The following NECTIN2 variants were observed in gnomAD, a reference collection of about 807,000 sequenced individuals.
NECTIN2 encodes nectin-2.
NECTIN2 carries 23 observed loss-of-function variants against 56.9 expected under a neutral mutation model. The ratio of observed to expected loss-of-function variants is 0.40; its 90% CI spans 0.29 to 0.57. The LOEUF (loss-of-function observed/expected upper bound fraction) is 0.57. Among genes scored for constraint, NECTIN2 ranks in the 20% least tolerant of loss-of-function variants. The probability of loss-of-function intolerance (pLI) is 0.38; values close to 1 mark genes in which losing one functional copy is unlikely to be tolerated. For missense variants in NECTIN2, 587 were observed against 718.3 expected, an observed-to-expected ratio of 0.82 and a Z score of 2.09; for synonymous variants, 302 against 313.8, an observed-to-expected ratio of 0.96 and a Z score of 0.40.
chr19:44,864,156 G>A (rs902373017), intron 1 of NECTIN2, among the ~76,000 whole-genome samples: 1 of 145,080 alleles, frequency 6.9e-6, no homozygotes, highest in Non-Finnish European at 1.5e-5. Context: ...GCAACATAGC[G>A]AGACATTGTC....
intron 6 of NECTIN2, among the ~76,000 whole-genome samples, chr19:44,883,223 G>C (rs1007183866): frequency 1.3e-5 from 2 of 151,860 alleles, no homozygotes; most frequent in Non-Finnish European, 2.9e-5. Context: ...ACACTGGTCA[G>C]GCAGGGTGGG....
chr19:44,865,354 C>T lies in NECTIN2; in HGVS notation c.172C>T (p.Pro58Ser). ...CGTGGAGCTGCCGTGCCACCTGCTGCCACCTGTTCCTGGACTGTACATCTC... is the reference window on the plus strand; with the variant it reads ...CGTGGAGCTGCCGTGCCACCTGCTGTCACCTGTTCCTGGACTGTACATCTC... Reference protein sequence around the residue: ...GTVELPCHLLPPVPGLYISLV... With the variant: ...GTVELPCHLLSPVPGLYISLV... The change falls in exon 2 of 9, where the codon CCA becomes TCA. Residue 58 changes from proline (P) to serine (S), a missense_variant. Physicochemically the swap from Pro to Ser is moderately conservative, Grantham distance 74. Transcript: ENST00000252483. This position sits in a 1 kb window ranked among gnomAD's most constrained non-coding sequence, Gnocchi z 5.2. The T allele has an allele frequency of 1.2e-6, 2 of 1,614,168 alleles. No homozygotes were observed. The highest frequency in any genetic ancestry group is 1.7e-6 in the Non-Finnish European group (2 of 1,180,026).
chr19:44,872,787 G>T (rs936652441), intron 3 of NECTIN2, among the ~76,000 whole-genome samples: 3 of 143,104 alleles, frequency 2.1e-5, no homozygotes, highest in African/African-American at 8.1e-5. Flanking sequence ...TATTTACATT[G>T]TATTTATTAT....
In NECTIN2 at chr19:44,888,184, G is replaced by A. The variant is rs1170217167; in HGVS notation, c.1422G>A (p.Leu474=). 6.2e-7 allele frequency: 1 copy of A among 1,614,182 alleles called. No individual in the cohort carries two copies. The highest frequency in any genetic ancestry group is 1.1e-5 in the South Asian group (1 of 91,086). Residue 474 remains leucine (L), a synonymous_variant, in exon 9 of 9, where the codon CTG becomes CTA. Coordinates refer to ENST00000252483, the MANE Select transcript of NECTIN2 (RefSeq NM_001042724.2). ...SGPLHPGATS[L]GSPIPVPPGP... ...CCTTGCACCCTGGAGCCACAAGCCT[G>A]GGGTCCCCCATCCCGGTGCCTCCAG...
At chr19:44,854,430 T>C (rs1968939499) in intron 1 of NECTIN2, among the ~76,000 whole-genome samples, 1 of 152,108 alleles carries the variant, frequency 6.6e-6, no homozygotes, top group African/African-American at 2.4e-5. Context: ...AGTGCTCAGA[T>C]GCCATCCTAA....
intron 3 of NECTIN2, 74 bp from the exon 4 acceptor site, chr19:44,873,842 C>T: frequency 8.8e-7 from 1 of 1,138,020 alleles, no homozygotes; most frequent in Middle Eastern, 2.0e-4. Context: ...TTTAGCATTC[C>T]TGTCTATCTG....
chr19:44,852,838 C>A (rs1968917027), intron 1 of NECTIN2, among the ~76,000 whole-genome samples: 1 of 152,164 alleles, frequency 6.6e-6, no homozygotes, highest in Admixed American at 6.6e-5. Context: ...GACGCGGTGG[C>A]TCACGCCTGT....
chr19:44,873,816 CA>C, intron 3 of NECTIN2, 99 bp from the exon 4 acceptor site: 1 of 881,754 alleles, frequency 1.1e-6, no homozygotes, highest in Non-Finnish European at 1.9e-6. Flanking sequence ...TACCTCCTGC[CA>C]ACCCGCCCCG....
rs1220680636 is a variant in NECTIN2 at position 44,875,589 on chromosome 19, C to T, written c.1042+1111C>T. Among the ~76,000 whole-genome samples, 1 of 152,176 alleles carries T rather than the reference C, an allele frequency of 6.6e-6. No homozygotes were observed. The highest frequency in any genetic ancestry group is 1.5e-5 in the Non-Finnish European group (1 of 68,034). On this transcript the variant is annotated intron_variant, in intron 5 of 8. Transcript: ENST00000252483. This position sits in a 1 kb window ranked among gnomAD's most constrained non-coding sequence, Gnocchi z 4.2. Reference sequence around the variant, plus strand: ...CCAGAAAAAGACATTCTTAGAAACACGCCAGGGCGACGGTCCATGCAGCAC... The same window carrying T: ...CCAGAAAAAGACATTCTTAGAAACATGCCAGGGCGACGGTCCATGCAGCAC...
chr19:44,868,443 T>C (rs1016742157), intron 2 of NECTIN2, among the ~76,000 whole-genome samples: 29 of 144,210 alleles, frequency 2.0e-4, no homozygotes, highest in African/African-American at 7.2e-4. Context: ...TTTTGAAGGA[T>C]GCTTTTTTTT....
At chr19:44,862,919 G>A (rs1473465102) in intron 1 of NECTIN2, among the ~76,000 whole-genome samples, 1 of 151,284 alleles carries the variant, frequency 6.6e-6, no homozygotes, top group Non-Finnish European at 1.5e-5. Flanking sequence ...GGAGCCCGAG[G>A]CGGCAGATCA....
chr19:44,883,105 C>A (rs543627450), intron 6 of NECTIN2, among the ~76,000 whole-genome samples: 1 of 152,168 alleles, frequency 6.6e-6, no homozygotes, highest in South Asian at 2.1e-4. Context: ...GAAGAAAGGG[C>A]GGTTCCTAAA....
intron 1 of NECTIN2, among the ~76,000 whole-genome samples, chr19:44,852,831 G>A (rs1053628531): frequency 1.2e-4 from 18 of 152,190 alleles, no homozygotes; most frequent in African/African-American, 3.4e-4. Context: ...TAGGCAGGAC[G>A]CGGTGGCTCA....
chr19:44,862,035 C>T (rs1301891332), intron 1 of NECTIN2, among the ~76,000 whole-genome samples: 2 of 152,190 alleles, frequency 1.3e-5, no homozygotes, highest in Non-Finnish European at 2.9e-5. Context: ...TACAAAGATA[C>T]ATGTATGCGT....
At chr19:44,864,585 C>G (rs1211169974) in intron 1 of NECTIN2, among the ~76,000 whole-genome samples, 1 of 152,120 alleles carries the variant, frequency 6.6e-6, no homozygotes, top group Non-Finnish European at 1.5e-5. Flanking sequence ...CTTTGGGAGG[C>G]TGAGGCAAGC....
chr19:44,882,451 C>T (rs1463874806), intron 6 of NECTIN2, 87 bp downstream of exon 6: 1 of 1,215,112 alleles, frequency 8.2e-7, no homozygotes, highest in African/African-American at 1.6e-5. Context: ...AGAAAATTCT[C>T]CATAATGGCT....
chr19:44,864,783 G>A (rs554426168), intron 1 of NECTIN2, among the ~76,000 whole-genome samples: 187 of 151,968 alleles, frequency 1.2e-3, no homozygotes, highest in South Asian at 2.1e-3. Context: ...AGCCGAGATC[G>A]CGCCACTGCA....
intron 1 of NECTIN2, among the ~76,000 whole-genome samples, chr19:44,857,095 G>A (rs944889394): frequency 6.6e-6 from 1 of 152,188 alleles, no homozygotes; most frequent in Admixed American, 6.5e-5. Flanking sequence ...TGGAAAGGGT[G>A]TCAGCGTTAA....
intron 2 of NECTIN2, among the ~76,000 whole-genome samples, chr19:44,871,593 C>T (rs1231948511): frequency 6.6e-6 from 1 of 152,126 alleles, no homozygotes; most frequent in African/African-American, 2.4e-5. Context: ...CCAGACATTA[C>T]CCTAAGCCAT....
Sources: allele counts gnomAD v4.1 joint callset (sites outside exome capture counted in the v4.1 genomes callset), GRCh38; gene constraint gnomAD v4.1.1; non-coding constraint Gnocchi (gnomAD v3.1); transcripts MANE v1.5; gene names NCBI Gene and HGNC (gene_info 2026-07-23, HGNC 2026-07-21).